HTR1E: variants seen among roughly 807,000 people sequenced by gnomAD.
The protein encoded by HTR1E is 5-hydroxytryptamine receptor 1E.
A neutral mutation model predicts 3.4 loss-of-function variants in HTR1E; 3 were observed. That is an observed-to-expected ratio of 0.89 (90% CI 0.41 to 2.31). HTR1E has a LOEUF of 2.31. HTR1E is among the 30% of genes most tolerant of loss of function. The probability of loss-of-function intolerance (pLI) is 0.05; values close to 1 mark genes in which losing one functional copy is unlikely to be tolerated. For missense variants in HTR1E, 392 were observed against 467.0 expected (o/e 0.84, Z 1.48); for synonymous variants, 170 against 182.8 (o/e 0.93, Z 0.56).
intron 1 of HTR1E, among the ~76,000 whole-genome samples, chr6:86,946,270 C>T (rs1351488193): frequency 2.0e-5 from 3 of 152,236 alleles, no homozygotes; most frequent in Non-Finnish European, 2.9e-5. Flanking sequence ...AAGTTCCCTA[C>T]ACAAGTATCC....
chr6:87,004,367 A>G lies in HTR1E; in HGVS notation c.-185-10783A>G, dbSNP rs148996193. ...CCTCAGCAAAATACTAGCAAGCCAC[A>G]TTCAAGAACACAATAAAGATTACTC... is the stretch of plus-strand genomic sequence containing the variant. On this transcript the variant is annotated intron_variant, in intron 1 of 1. Transcript: ENST00000305344. Among the ~76,000 whole-genome samples, 162 of 152,328 alleles carry G rather than the reference A, an allele frequency of 1.1e-3. 1 individual carries two copies. The highest frequency in any genetic ancestry group is 3.8e-3 in the African/African-American group (157 of 41,580).
chr6:86,983,865 A>G (rs1168633030), intron 1 of HTR1E, among the ~76,000 whole-genome samples: 1 of 152,154 alleles, frequency 6.6e-6, no homozygotes, highest in Non-Finnish European at 1.5e-5. Flanking sequence ...TTAGTTTTCA[A>G]AAATAACCAA....
intron 1 of HTR1E, among the ~76,000 whole-genome samples, chr6:86,943,653 C>T (rs1023156768): frequency 1.3e-5 from 2 of 152,310 alleles, no homozygotes; most frequent in Admixed American, 6.5e-5. Flanking sequence ...CCCAAGCTCT[C>T]GAGTCCAGAA....
intron 1 of HTR1E, among the ~76,000 whole-genome samples, chr6:86,967,634 A>G (rs1170674362): frequency 1.3e-5 from 2 of 152,188 alleles, no homozygotes; most frequent in Non-Finnish European, 2.9e-5. Flanking sequence ...AGGAAAGCTT[A>G]GGATCAGGGA....
intron 1 of HTR1E, among the ~76,000 whole-genome samples, chr6:86,954,622 C>T (rs946187915): frequency 6.6e-6 from 1 of 152,190 alleles, no homozygotes; most frequent in African/African-American, 2.4e-5. Context: ...GGATGAGAGA[C>T]TCAGGAGATG....
chr6:87,010,501 T>A (rs1454538648), intron 1 of HTR1E, among the ~76,000 whole-genome samples: 1 of 136,732 alleles, frequency 7.3e-6, no homozygotes. Context: ...GCTCCTCACA[T>A]CCCAGATGGG....
intron 1 of HTR1E, among the ~76,000 whole-genome samples, chr6:86,973,655 T>C (rs989879409): frequency 5.3e-5 from 8 of 151,952 alleles, no homozygotes; most frequent in Non-Finnish European, 1.2e-4. Context: ...AGGAAGGAGA[T>C]TTAAGATACT....
chr6:87,010,740 C>T (rs1452145249), intron 1 of HTR1E, among the ~76,000 whole-genome samples: 8 of 148,040 alleles, frequency 5.4e-5, no homozygotes, highest in Admixed American at 2.7e-4. Flanking sequence ...ACTTCCCAGA[C>T]GGGGTGGCGG....
chr6:86,953,342 C>A (rs1767271947), intron 1 of HTR1E, among the ~76,000 whole-genome samples: 1 of 152,176 alleles, frequency 6.6e-6, no homozygotes, highest in Admixed American at 6.5e-5. Context: ...GGGTAGTTTT[C>A]TCTTTATTTA....
chr6:86,996,126 C>T (rs917979848), intron 1 of HTR1E, among the ~76,000 whole-genome samples: 1 of 152,116 alleles, frequency 6.6e-6, no homozygotes, highest in Non-Finnish European at 1.5e-5. Flanking sequence ...CCAACAAGAT[C>T]TAATCAATAT....
chr6:87,008,034 A>G (rs1768143856), intron 1 of HTR1E, among the ~76,000 whole-genome samples: 1 of 152,232 alleles, frequency 6.6e-6, no homozygotes, highest in Non-Finnish European at 1.5e-5. Flanking sequence ...TTGTGACAAC[A>G]AAAGACTTGT....
In HTR1E at chr6:87,015,437, C is replaced by T; in HGVS notation, c.103C>T (p.Leu35Phe). ...ICMTLVVITT[L>F]TTLLNLAVIM... ...CATGACTCTGGTGGTCATCACCACC[C>T]TCACCACGTTGCTGAACTTGGCTGT... is the stretch of plus-strand genomic sequence containing the variant. The change falls in exon 2 of 2, where the codon CTC becomes TTC. Residue 35 changes from leucine to phenylalanine, a missense_variant. Leu to Phe is a conservative substitution (Grantham distance 22, BLOSUM62 0). Around this residue, in one of 3 missense-constraint regions of HTR1E, gnomAD observed 189 missense variants for 258.0 expected, o/e 0.73. Coordinates refer to ENST00000305344, the MANE Select transcript of HTR1E (RefSeq NM_000865.3). 1.2e-6 allele frequency: 2 copies of T among 1,614,112 alleles called. No individual in the cohort carries two copies.
At chr6:86,987,502 C>CATAT (rs374499566) in intron 1 of HTR1E, among the ~76,000 whole-genome samples, 7 of 149,448 alleles carry the variant, frequency 4.7e-5, no homozygotes, top group African/African-American at 1.7e-4. Context: ...ATAATAGAAA[C>CATAT]ATATATATAT....
intron 1 of HTR1E, among the ~76,000 whole-genome samples, chr6:87,010,299 T>C (rs1582285306): frequency 1.1e-5 from 1 of 88,434 alleles, no homozygotes; most frequent in South Asian, 4.7e-4. Context: ...ACGGGGCGGC[T>C]GGCCGGGCGG....
chr6:86,951,122 T>C (rs1422507472), intron 1 of HTR1E, among the ~76,000 whole-genome samples: 1 of 152,196 alleles, frequency 6.6e-6, no homozygotes, highest in African/African-American at 2.4e-5. Flanking sequence ...GTCTTTGTCA[T>C]GATCAAAGGG....
Position 86,943,965 on chromosome 6 carries a change from G to A in HTR1E, c.-186+6142G>A, listed in dbSNP as rs574093946. On this transcript the variant is annotated intron_variant, in intron 1 of 1. Transcript: ENST00000305344. ...CTGCAAAGTTTCAGCCGAGACTGCAGACATCTCAAGGCTCAACTGGGGAAA... is the reference window on the plus strand; with the variant it reads ...CTGCAAAGTTTCAGCCGAGACTGCAAACATCTCAAGGCTCAACTGGGGAAA... Among the ~76,000 whole-genome samples the A allele has an allele frequency of 3.3e-5, 5 of 152,288 alleles. No individual in the cohort carries two copies. The South Asian group carries it at 1.0e-3, about 32-fold the overall frequency.
At chr6:86,961,800 T>C (rs948823107) in intron 1 of HTR1E, among the ~76,000 whole-genome samples, 26 of 152,248 alleles carry the variant, frequency 1.7e-4, no homozygotes, top group Non-Finnish European at 2.5e-4. Flanking sequence ...CATGCCTAGC[T>C]ATATGAATTC....
At chr6:87,013,981 G>A (rs903140791) in intron 1 of HTR1E, among the ~76,000 whole-genome samples, 1 of 152,000 alleles carries the variant, frequency 6.6e-6, no homozygotes, top group Non-Finnish European at 1.5e-5. Context: ...TCATTAAAAA[G>A]CCATCATTCT....
intron 1 of HTR1E, among the ~76,000 whole-genome samples, chr6:86,945,975 G>C (rs544420206): frequency 1.3e-5 from 2 of 152,082 alleles, no homozygotes; most frequent in South Asian, 4.1e-4. Context: ...CTGACCTCAG[G>C]TGGTTTACCT....
Sources: gnomAD v4.1 joint callset for allele counts (sites outside exome capture counted in the v4.1 genomes callset) on GRCh38, gnomAD v4.1.1 for gene constraint, gnomAD v4.1.1 regional missense constraint, MANE v1.5 for transcripts, NCBI Gene and HGNC (gene_info 2026-07-23, HGNC 2026-07-21) for gene names.